The following MAP4K3 variants were observed in gnomAD, a reference collection of about 807,000 sequenced individuals.
The protein encoded by MAP4K3 is MAPK/ERK kinase kinase kinase 3.
MAP4K3 carries 94 observed loss-of-function variants against 143.5 expected under a neutral mutation model. The ratio of observed to expected loss-of-function variants is 0.65; its 90% CI spans 0.55 to 0.78. The LOEUF (loss-of-function observed/expected upper bound fraction) is 0.78. MAP4K3 is among the 30% of genes least tolerant of loss of function. The probability of loss-of-function intolerance (pLI) is 0.00; values close to 1 mark genes in which losing one functional copy is unlikely to be tolerated. For synonymous variants in MAP4K3, 416 were observed against 347.2 expected, an observed-to-expected ratio of 1.20 and a Z score of -2.20; for missense variants, 1,077 against 1,068.1, an observed-to-expected ratio of 1.01 and a Z score of -0.12.
Position 39,391,118 on chromosome 2 carries a change from G to C in MAP4K3, c.97-12995C>G, listed in dbSNP as rs566774532. Among the ~76,000 whole-genome samples, 44 of 152,152 alleles carry C rather than the reference G, an allele frequency of 2.9e-4. 1 individual carries two copies. In the East Asian group the frequency reaches 8.5e-3, roughly 29 times the overall value. ...AGCCTGTAATCCCAGCACTTTGGGA[G>C]GCCAAGGCAGGCGGATCACGAGGTC... is the stretch of plus-strand genomic sequence containing the variant. On this transcript the variant is annotated intron_variant, in intron 1 of 33. Coordinates refer to ENST00000263881, the MANE Select transcript of MAP4K3 (RefSeq NM_003618.4).
rs77639459 is a variant in MAP4K3 at position 39,421,261 on chromosome 2, T to C, written c.96+15631A>G. On this transcript the variant is annotated intron_variant, in intron 1 of 33. Coordinates refer to ENST00000263881, the MANE Select transcript of MAP4K3 (RefSeq NM_003618.4). ...GACATATTCTGGTCTCACCTACCTC[T>C]CTACAGAACAACACAGTGACTACAA... is the stretch of plus-strand genomic sequence containing the variant. Among the ~76,000 whole-genome samples, 30 of 152,214 alleles carry C rather than the reference T, an allele frequency of 2.0e-4. No homozygotes were observed. In the East Asian group the frequency reaches 5.6e-3, roughly 28 times the overall value.
intron 21 of MAP4K3, among the ~76,000 whole-genome samples, chr2:39,286,354 G>T (rs1390467948): frequency 1.3e-5 from 2 of 152,204 alleles, no homozygotes; most frequent in South Asian, 4.1e-4. Context: ...TGTGTGGCCT[G>T]GTTCCTAACA....
chr2:39,368,315 T>C (rs1173119948), intron 2 of MAP4K3, among the ~76,000 whole-genome samples: 3 of 149,478 alleles, frequency 2.0e-5, no homozygotes, highest in South Asian at 4.3e-4. Context: ...AAGAATACAA[T>C]GGGCAAAAAA....
intron 16 of MAP4K3, among the ~76,000 whole-genome samples, chr2:39,295,482 A>G (rs577382150): frequency 6.6e-6 from 1 of 152,254 alleles, no homozygotes; most frequent in South Asian, 2.1e-4. Context: ...CATGAGACCA[A>G]ATATTTGAGA....
Position 39,331,910 on chromosome 2 carries a change from C to A in MAP4K3, c.530+7G>T. On this transcript the variant is annotated splice_region_variant and intron_variant, in intron 8 of 33. Transcript: ENST00000263881. ...AAAGTATTAAATATCAATTAAAATA[C>A]AATTACCAATATGGTGTGCCAATGA... The A allele has an allele frequency of 6.5e-7, 1 of 1,537,376 alleles. No homozygotes were observed. Among genetic ancestry groups the A allele is most frequent in the Non-Finnish European group, 8.9e-7 (1 of 1,124,388 alleles).
intron 1 of MAP4K3, among the ~76,000 whole-genome samples, chr2:39,380,106 T>G (rs1666320952): frequency 6.6e-6 from 1 of 152,110 alleles, no homozygotes; most frequent in South Asian, 2.1e-4. Flanking sequence ...AAATTACAGT[T>G]TTTTAGGGTT....
intron 1 of MAP4K3, among the ~76,000 whole-genome samples, chr2:39,411,425 T>C (rs1250645342): frequency 1.3e-5 from 2 of 152,156 alleles, no homozygotes; most frequent in African/African-American, 4.8e-5. Context: ...GAAAGAATGG[T>C]GTATGGTTTC....
chr2:39,355,279 T>A (rs1665578586), intron 3 of MAP4K3, among the ~76,000 whole-genome samples: 2 of 145,526 alleles, frequency 1.4e-5, no homozygotes, highest in Admixed American at 7.2e-5. Flanking sequence ...GGGAATCACT[T>A]GAACCCGGGA....
At chr2:39,253,751 G>C (rs904614695) in intron 32 of MAP4K3, among the ~76,000 whole-genome samples, 2 of 152,180 alleles carry the variant, frequency 1.3e-5, no homozygotes, top group African/African-American at 4.8e-5. Context: ...AGATTGGCTT[G>C]GGGGTACTGG....
chr2:39,423,080 TA>T (rs1053804491), intron 1 of MAP4K3, among the ~76,000 whole-genome samples: 6 of 150,872 alleles, frequency 4.0e-5, no homozygotes, highest in African/African-American at 7.3e-5. Flanking sequence ...AATTCAACAA[TA>T]AAAAAAAATC....
intron 2 of MAP4K3, among the ~76,000 whole-genome samples, chr2:39,364,230 C>T (rs1191225409): frequency 1.3e-5 from 2 of 152,106 alleles, no homozygotes; most frequent in Non-Finnish European, 2.9e-5. Flanking sequence ...GCAGAATGGT[C>T]ATGGCCAGAG....
At chr2:39,354,449 T>A (rs561861789) in intron 3 of MAP4K3, among the ~76,000 whole-genome samples, 3 of 150,676 alleles carry the variant, frequency 2.0e-5, no homozygotes, top group African/African-American at 4.9e-5. Flanking sequence ...TCTCAAAAAA[T>A]AAATAAATAA....
rs573615735 is a variant in MAP4K3 at position 39,418,636 on chromosome 2, G to A, written c.96+18256C>T. Among the ~76,000 whole-genome samples, 4 of 152,136 alleles carry A rather than the reference G, an allele frequency of 2.6e-5. No homozygotes were observed. The East Asian group carries it at 7.7e-4, about 29-fold the overall frequency. ...GCCGGTGATCAAAGTTAACACTGCCGGTGATCAAAGTTAATATTGCCAGTG... is the reference window on the plus strand; with the variant it reads ...GCCGGTGATCAAAGTTAACACTGCCAGTGATCAAAGTTAATATTGCCAGTG... On this transcript the variant is annotated intron_variant, in intron 1 of 33. Transcript: ENST00000263881.
rs752883148 is a variant in MAP4K3 at position 39,307,940 on chromosome 2, T to C, written c.1119+3A>G. ...ACAAAGAAAATCAGAAGATGAGAAA[T>C]ACCAGATTAGATCTTGCAGTGTAGT... On this transcript the variant is annotated splice_donor_region_variant and intron_variant, in intron 15 of 33. Transcript: ENST00000263881. 6.5e-7 allele frequency: 1 copy of C among 1,543,724 alleles called. No individual in the cohort carries two copies. Among genetic ancestry groups the C allele is most frequent in the Non-Finnish European group, 8.7e-7 (1 of 1,145,662 alleles).
intron 3 of MAP4K3, among the ~76,000 whole-genome samples, chr2:39,347,527 A>AT (rs1237071272): frequency 1.3e-5 from 2 of 152,132 alleles, no homozygotes; most frequent in Non-Finnish European, 2.9e-5. Flanking sequence ...AGGACCTGGA[A>AT]TATAGCACAA....
At chr2:39,368,700 AG>A (rs1214998684) in intron 2 of MAP4K3, among the ~76,000 whole-genome samples, 1 of 152,062 alleles carries the variant, frequency 6.6e-6, no homozygotes, top group Non-Finnish European at 1.5e-5. Context: ...ATCCCAAAAA[AG>A]AAAAAAAGTT....
intron 28 of MAP4K3, among the ~76,000 whole-genome samples, chr2:39,263,467 G>A (rs376185239): frequency 6.7e-6 from 1 of 148,628 alleles, no homozygotes. Flanking sequence ...TTTTAGTAGA[G>A]ACGGGGTTTC....
chr2:39,270,202 T>G (rs562394763), intron 26 of MAP4K3, among the ~76,000 whole-genome samples: 1 of 152,300 alleles, frequency 6.6e-6, no homozygotes, highest in East Asian at 1.9e-4. Context: ...AATCAACTAT[T>G]AAGTATGGCT....
rs777334747 is a variant in MAP4K3, at chr2:39,325,861, C to T, written c.725+38G>A. The T allele has an allele frequency of 4.5e-6, 7 of 1,555,016 alleles. 1 individual carries two copies. The highest frequency in any genetic ancestry group is 2.3e-5 in the South Asian group (2 of 85,744). ...TTTACATTCCAATTCATTTTTTGCTCATCTCACCATAAAAGTAAATAACAT... is the reference window on the plus strand; with the variant it reads ...TTTACATTCCAATTCATTTTTTGCTTATCTCACCATAAAAGTAAATAACAT... On this transcript the variant is annotated intron_variant, in intron 10 of 33. Transcript: ENST00000263881.
Sources: gnomAD v4.1 joint callset for allele counts (sites outside exome capture counted in the v4.1 genomes callset) on GRCh38, gnomAD v4.1.1 for gene constraint, MANE v1.5 for transcripts, NCBI Gene and HGNC (gene_info 2026-07-23, HGNC 2026-07-21) for gene names.